The following NOL11 variants were observed in gnomAD, a reference collection of about 807,000 sequenced individuals.
NOL11 encodes the protein nucleolar protein 11.
NOL11 carries 42 observed loss-of-function variants against 93.0 expected under a neutral mutation model. The ratio of observed to expected loss-of-function variants is 0.45; its 90% CI spans 0.35 to 0.58. The LOEUF (loss-of-function observed/expected upper bound fraction) is 0.58, where lower values mean the gene tolerates loss of function less well. Ranked by LOEUF, NOL11 falls within the 20% of genes least tolerant of loss-of-function variation. The pLI is 0.00. For synonymous variants in NOL11, 296 were observed against 293.7 expected, an observed-to-expected ratio of 1.01 and a Z score of -0.08; for missense variants, 775 against 841.8, an observed-to-expected ratio of 0.92 and a Z score of 0.98.
chr17:67,718,107 G>A lies in NOL11; in HGVS notation c.141+19G>A. On this transcript the variant is annotated intron_variant, in intron 1 of 17. Coordinates refer to ENST00000253247, the MANE Select transcript of NOL11 (RefSeq NM_015462.5). Reference sequence around the variant, plus strand: ...CTATAAGGTGAAGGCAATAGGTTTGGGAGCGCCCCGACTGCCTTCTCGCCC... The same window carrying A: ...CTATAAGGTGAAGGCAATAGGTTTGAGAGCGCCCCGACTGCCTTCTCGCCC... The A allele has an allele frequency of 6.2e-7, 1 of 1,607,192 alleles. No individual in the cohort carries two copies. The highest frequency in any genetic ancestry group is 8.5e-7 in the Non-Finnish European group (1 of 1,175,634).
rs142511230 is a variant in NOL11, at chr17:67,724,160, G to A, written c.631G>A (p.Val211Ile). ...NSVIKSFTAS[V>I]DRKFISLMSL... ...TGTTATAAAGAGTTTTACTGCATCT[G>A]TAGATCGGAAATTCATCTCTTTGAT... The change falls in exon 6 of 18, where the codon GTA (valine) becomes ATA (isoleucine). Residue 211 changes from valine (V) to isoleucine (I), a missense_variant. Val to Ile is a conservative substitution (Grantham distance 29, BLOSUM62 3). Coordinates refer to ENST00000253247, the MANE Select transcript of NOL11 (RefSeq NM_015462.5). 6.3e-7 allele frequency: 1 copy of A among 1,578,736 alleles called. No homozygotes were observed. Among genetic ancestry groups the A allele is most frequent in the South Asian group, 1.1e-5 (1 of 87,252 alleles).
chr17:67,726,369 G>T, intron 6 of NOL11, 91 bp from the exon 7 acceptor site: 2 of 1,046,132 alleles, frequency 1.9e-6, no homozygotes, highest in Non-Finnish European at 1.3e-6. Context: ...TTATCAAATT[G>T]GTAAAATCTT....
chr17:67,718,622 A>G lies in NOL11; in HGVS notation c.141+534A>G, dbSNP rs148585774. Among the ~76,000 whole-genome samples, 5 of 152,226 alleles carry G rather than the reference A, an allele frequency of 3.3e-5. No homozygotes were observed. In the East Asian group the frequency reaches 9.6e-4, roughly 29 times the overall value. ...GTTGGCATCTCTGATTCACGCTGGG[A>G]ATCCTGGAGTTGAGTCCTGGGAAAA... On this transcript the variant is annotated intron_variant, in intron 1 of 17. Coordinates refer to ENST00000253247, the MANE Select transcript of NOL11 (RefSeq NM_015462.5).
In NOL11 at chr17:67,736,677, G is replaced by A. The variant is rs142890724; in HGVS notation, c.1066G>A (p.Val356Met). 2.5e-5 allele frequency: 40 copies of A among 1,608,774 alleles called. No homozygotes were observed. The highest frequency in any genetic ancestry group is 3.0e-5 in the Non-Finnish European group (35 of 1,176,724). Residue 356 changes from valine (V) to methionine (M), a missense_variant, in exon 10 of 18, where the codon GTG (valine) becomes ATG (methionine). Around this residue, in one of 2 missense-constraint regions of NOL11, gnomAD observed 416 missense variants for 525.2 expected, o/e 0.79. Transcript: ENST00000253247. ...TTGCATTTTCTTAGGAACTCATGTC[G>A]TGTCCCATTTTGTAAACTGGGAGAC... ...KHSQDPGTHVVSHFVNWETPQ... is the reference protein window; with the variant it reads ...KHSQDPGTHVMSHFVNWETPQ...
intron 15 of NOL11, 22 bp from the exon 16 acceptor site, chr17:67,739,494 A>C: frequency 1.4e-6 from 2 of 1,419,962 alleles, no homozygotes; most frequent in Non-Finnish European, 1.9e-6. Flanking sequence ...ATGATAAACT[A>C]TCCATTTTTT....
intron 8 of NOL11, among the ~76,000 whole-genome samples, chr17:67,735,634 T>G (rs2055194396): frequency 6.6e-6 from 1 of 152,172 alleles, no homozygotes; most frequent in African/African-American, 2.4e-5. Context: ...GTGACCACAT[T>G]AATTTTAAAC....
chr17:67,727,167 T>C (rs1327406106), intron 7 of NOL11: 2 of 153,082 alleles, frequency 1.3e-5, no homozygotes, highest in Non-Finnish European at 2.9e-5. Flanking sequence ...CAGTGCAGGA[T>C]AGCAGACCCC....
At chr17:67,728,883 TTC>T (rs1284817022) in intron 7 of NOL11, among the ~76,000 whole-genome samples, 2 of 152,200 alleles carry the variant, frequency 1.3e-5, no homozygotes, top group Admixed American at 6.5e-5. Flanking sequence ...GAACCATCTA[TTC>T]TGTTTTTTTA....
intron 8 of NOL11, among the ~76,000 whole-genome samples, chr17:67,735,411 C>T (rs2055191843): frequency 6.6e-6 from 1 of 151,786 alleles, no homozygotes; most frequent in South Asian, 2.1e-4. Flanking sequence ...TTTATTACAA[C>T]TTATTATTTT....
rs575900646 is a variant in NOL11 at position 67,724,111 on chromosome 17, C to G, written c.582C>G (p.Leu194=). The change falls in exon 6 of 18, where the codon CTC becomes CTG. Residue 194 remains leucine (L), a synonymous_variant. Transcript: ENST00000253247. The stretch of plus-strand genomic sequence containing the variant: ...CACGTATCTTAACCAAATATACACT[C>G]TTACTTGGACAAGACGAAAACTCTG... The part of the protein sequence containing the change: ...FNSRILTKYT[L]LLGQDENSVI... 1.6e-5 allele frequency: 26 copies of G among 1,590,372 alleles called. No homozygotes were observed. The East Asian group carries it at 5.4e-4, about 33-fold the overall frequency.
chr17:67,727,582 G>A (rs561902155), intron 7 of NOL11, among the ~76,000 whole-genome samples: 1 of 152,144 alleles, frequency 6.6e-6, no homozygotes, highest in South Asian at 2.1e-4. Context: ...GCTTGAACCT[G>A]GGAGGTGGAG....
rs368511121 is a variant in NOL11 at position 67,722,548 on chromosome 17, T to A, written c.462-32T>A. The A allele has an allele frequency of 1.9e-6, 3 of 1,560,762 alleles. No individual in the cohort carries two copies. In the African/African-American group the frequency reaches 4.2e-5, roughly 22 times the overall value. On this transcript the variant is annotated intron_variant, in intron 4 of 17. Transcript: ENST00000253247. ...TGTCTCCCAGCTGGTGATTTTTGCA[T>A]CCTATAATTTTTCTTTTTTCTTTTT... is the stretch of plus-strand genomic sequence containing the variant.
At chr17:67,739,338 C>G (rs958957892) in intron 15 of NOL11, among the ~76,000 whole-genome samples, 178 bp from the exon 16 acceptor site, 3 of 152,184 alleles carry the variant, frequency 2.0e-5, no homozygotes, top group Non-Finnish European at 4.4e-5. Flanking sequence ...TACCCCCAAA[C>G]CAGATGAGCT....
chr17:67,724,022 T>A (rs1229675725), intron 5 of NOL11, 27 bp from the exon 6 acceptor site: 1 of 1,499,800 alleles, frequency 6.7e-7, no homozygotes, highest in Non-Finnish European at 8.9e-7. Flanking sequence ...ATGGGAATAT[T>A]TATAAAATAA....
intron 7 of NOL11, among the ~76,000 whole-genome samples, chr17:67,727,950 C>CTGGTTATAG (rs1400382478): frequency 7.0e-6 from 1 of 143,190 alleles, no homozygotes. Context: ...AAAAGAGCTC[C>CTGGTTATAG]TGGTTATAGT....
At chr17:67,722,971 G>A (rs770148292) in intron 5 of NOL11, among the ~76,000 whole-genome samples, 12 of 150,516 alleles carry the variant, frequency 8.0e-5, no homozygotes, top group Admixed American at 3.3e-4. Context: ...AATTACAGGT[G>A]TGAGCCACTG....
intron 1 of NOL11, among the ~76,000 whole-genome samples, chr17:67,718,959 T>C (rs2043196485): frequency 6.6e-6 from 1 of 152,248 alleles, no homozygotes; most frequent in South Asian, 2.1e-4. Context: ...ATGTCCCTAC[T>C]TAATTTCCCA....
At chr17:67,740,913 C>G (rs62084164) in intron 16 of NOL11, 4 of 148,470 alleles carry the variant, frequency 2.7e-5, no homozygotes, top group African/African-American at 1.0e-4. Context: ...TTTTTTTTTC[C>G]TTTTCAAGAA....
At chr17:67,736,554 A>T in intron 9 of NOL11, 112 bp from the exon 10 acceptor site, 1 of 660,274 alleles carries the variant, frequency 1.5e-6, no homozygotes, top group Admixed American at 3.0e-5. Flanking sequence ...ATGGACTTCA[A>T]AGCCTCTCTT....
Sources: allele counts gnomAD v4.1 joint callset (sites outside exome capture counted in the v4.1 genomes callset), GRCh38; gene constraint gnomAD v4.1.1; regional missense constraint gnomAD v4.1.1; transcripts MANE v1.5; gene names NCBI Gene and HGNC (gene_info 2026-07-23, HGNC 2026-07-21).